Variants in LRRC8D observed in about 807,000 individuals in gnomAD.
LRRC8D encodes the protein volume-regulated anion channel subunit LRRC8D.
Under a neutral mutation model 55.8 loss-of-function variants are expected in LRRC8D, and 20 were observed. The ratio of observed to expected loss-of-function variants is 0.36; its 90% CI spans 0.25 to 0.52. The LOEUF (loss-of-function observed/expected upper bound fraction) is 0.52, where lower values mean the gene tolerates loss of function less well. Among genes scored for constraint, LRRC8D ranks in the 20% least tolerant of loss-of-function variants. The pLI, the probability that LRRC8D is intolerant of heterozygous loss-of-function variation, is 0.93. For missense variants in LRRC8D, 651 were observed against 1,030.8 expected, an observed-to-expected ratio of 0.63 and a Z score of 5.05; for synonymous variants, 352 against 377.0, an observed-to-expected ratio of 0.93 and a Z score of 0.77.
In LRRC8D at chr1:89,933,316, A is replaced by T. The variant is rs866356278; in HGVS notation, c.248A>T (p.Glu83Val). ...AEVTTNIPKM[E>V]AATNQDQDGR... Reference sequence around the variant, plus strand: ...GTCACCACCAACATCCCAAAGATGGAAGCAGCCACCAACCAAGACCAAGAT... The same window carrying T: ...GTCACCACCAACATCCCAAAGATGGTAGCAGCCACCAACCAAGACCAAGAT... Residue 83 changes from glutamate (E) to valine (V), a missense_variant, in exon 3 of 3, where the codon GAA (glutamate) becomes GTA (valine). Transcript: ENST00000337338. The surrounding 1 kb of genome is among the most constrained non-coding windows in gnomAD (Gnocchi z 7.0). The T allele has an allele frequency of 6.2e-7, 1 of 1,614,158 alleles. No homozygotes were observed. Among genetic ancestry groups the T allele is most frequent in the Middle Eastern group, 1.6e-4 (1 of 6,062 alleles).
intron 1 of LRRC8D, among the ~76,000 whole-genome samples, chr1:89,824,632 T>C (rs1303521963): frequency 2.0e-5 from 3 of 152,186 alleles, no homozygotes; most frequent in Admixed American, 2.0e-4. Flanking sequence ...CTTTTGGAGC[T>C]GCCTACTCTC....
intron 2 of LRRC8D, among the ~76,000 whole-genome samples, chr1:89,912,091 A>G (rs868567671): frequency 6.6e-6 from 1 of 152,156 alleles, no homozygotes; most frequent in Non-Finnish European, 1.5e-5. Flanking sequence ...ACCAACTACT[A>G]GATACCTTGA....
chr1:89,863,593 T>C (rs1284577417), intron 2 of LRRC8D, among the ~76,000 whole-genome samples: 1 of 152,178 alleles, frequency 6.6e-6, no homozygotes, highest in African/African-American at 2.4e-5. Flanking sequence ...TTATTTGAGA[T>C]TTTTCTGTTG....
At chr1:89,898,153 C>T (rs1460224641) in intron 2 of LRRC8D, among the ~76,000 whole-genome samples, 1 of 152,070 alleles carries the variant, frequency 6.6e-6, no homozygotes, top group Non-Finnish European at 1.5e-5. Flanking sequence ...TGAATACGAG[C>T]CAGTAAGCAG....
chr1:89,858,331 G>T (rs1661613380), intron 2 of LRRC8D, among the ~76,000 whole-genome samples: 1 of 152,198 alleles, frequency 6.6e-6, no homozygotes, highest in African/African-American at 2.4e-5. Context: ...ATGTCAGGTA[G>T]TATCTGTGGT....
chr1:89,835,999 A>G (rs1348639882), intron 1 of LRRC8D, among the ~76,000 whole-genome samples: 3 of 152,230 alleles, frequency 2.0e-5, no homozygotes, highest in Non-Finnish European at 4.4e-5. Flanking sequence ...TTCTAGAAAC[A>G]TATGCTTTCC....
chr1:89,849,259 G>A (rs559306665), intron 2 of LRRC8D, among the ~76,000 whole-genome samples: 2 of 152,082 alleles, frequency 1.3e-5, no homozygotes, highest in Admixed American at 6.5e-5. Context: ...GACATGAAAG[G>A]GTCAACATTT....
At position 89,861,498 on chromosome 1, in the gene LRRC8D, T is replaced by G. The variant is rs1661720151; in HGVS notation, c.-3+17716T>G. Among the ~76,000 whole-genome samples the G allele has an allele frequency of 2.0e-5, 3 of 152,244 alleles. No homozygotes were observed. The South Asian group carries it at 6.2e-4, about 32-fold the overall frequency. On this transcript the variant is annotated intron_variant, in intron 2 of 2. Coordinates refer to ENST00000337338, the MANE Select transcript of LRRC8D (RefSeq NM_001134479.2). ...GGTTTTTTCACCTTGTATTGTCCTC[T>G]TCTTTATTAATACCTGTGCCTTAGG... is the stretch of plus-strand genomic sequence containing the variant.
chr1:89,920,990 T>C (rs909418197), intron 2 of LRRC8D, among the ~76,000 whole-genome samples: 1 of 152,250 alleles, frequency 6.6e-6, no homozygotes, highest in African/African-American at 2.4e-5. Context: ...TTGCCCAGGT[T>C]GACCAAGAGG....
Position 89,853,617 on chromosome 1 carries a change from G to A in LRRC8D, c.-3+9835G>A, listed in dbSNP as rs576295494. ...TTATGTTATTGTCTTTTACAGACAG[G>A]GTGTCTAAACCTCAGGTGAGCAACT... is the stretch of plus-strand genomic sequence containing the variant. On this transcript the variant is annotated intron_variant, in intron 2 of 2. Transcript: ENST00000337338. 1.6e-4 allele frequency among the ~76,000 whole-genome samples: 25 copies of A among 152,236 alleles called. 1 individual carries two copies. The South Asian group carries it at 5.2e-3, about 32-fold the overall frequency.
intron 2 of LRRC8D, among the ~76,000 whole-genome samples, chr1:89,924,701 A>G (rs2100980758): frequency 6.6e-6 from 1 of 152,282 alleles, no homozygotes; most frequent in East Asian, 1.9e-4. Context: ...TTTTTTTAAT[A>G]TGGTACATAT....
intron 2 of LRRC8D, among the ~76,000 whole-genome samples, chr1:89,877,006 A>T (rs1662164618): frequency 6.6e-6 from 1 of 152,244 alleles, no homozygotes; most frequent in Non-Finnish European, 1.5e-5. Flanking sequence ...AATCAATTTT[A>T]AAAATTAATT....
chr1:89,846,206 C>G (rs1335783478), intron 2 of LRRC8D, among the ~76,000 whole-genome samples: 1 of 152,142 alleles, frequency 6.6e-6, no homozygotes, highest in Non-Finnish European at 1.5e-5. Flanking sequence ...GCCTCCAAAT[C>G]TCCCATTTAA....
chr1:89,912,737 A>C (rs1417458304), intron 2 of LRRC8D, among the ~76,000 whole-genome samples: 1 of 152,198 alleles, frequency 6.6e-6, no homozygotes, highest in Non-Finnish European at 1.5e-5. Context: ...AAATTACAAT[A>C]TATTGTTCAT....
At chr1:89,860,130 G>T (rs558217717) in intron 2 of LRRC8D, among the ~76,000 whole-genome samples, 1 of 152,122 alleles carries the variant, frequency 6.6e-6, no homozygotes, top group African/African-American at 2.4e-5. Context: ...TTATTACTAC[G>T]TAGGTTTTCA....
At chr1:89,901,752 C>A (rs925220863) in intron 2 of LRRC8D, among the ~76,000 whole-genome samples, 1 of 152,196 alleles carries the variant, frequency 6.6e-6, no homozygotes, top group Non-Finnish European at 1.5e-5. Flanking sequence ...AAGCCGTGAT[C>A]ATGAGAAAAA....
intron 1 of LRRC8D, among the ~76,000 whole-genome samples, chr1:89,827,388 T>C (rs1660790211): frequency 6.7e-6 from 1 of 149,468 alleles, no homozygotes; most frequent in Non-Finnish European, 1.5e-5. Flanking sequence ...ATACAAAATA[T>C]AGTCTTAATT....
intron 2 of LRRC8D, among the ~76,000 whole-genome samples, chr1:89,918,443 G>A (rs1404748661): frequency 6.6e-6 from 1 of 152,204 alleles, no homozygotes; most frequent in Non-Finnish European, 1.5e-5. Flanking sequence ...ATGCAGAAGG[G>A]CAGAAAACCC....
chr1:89,848,240 TC>T (rs1407625239), intron 2 of LRRC8D, among the ~76,000 whole-genome samples: 6 of 152,304 alleles, frequency 3.9e-5, no homozygotes, highest in Admixed American at 1.3e-4. Context: ...GAATATGCCT[TC>T]CCTGTTTTTG....
Sources: gnomAD v4.1 joint callset for allele counts (sites outside exome capture counted in the v4.1 genomes callset) on GRCh38, gnomAD v4.1.1 for gene constraint, Gnocchi (gnomAD v3.1) non-coding constraint, MANE v1.5 for transcripts, NCBI Gene and HGNC (gene_info 2026-07-23, HGNC 2026-07-21) for gene names.